SBF2: variants seen among roughly 807,000 people sequenced by gnomAD.
SBF2 encodes the protein myotubularin-related protein 13.
In SBF2, 112 loss-of-function variants were observed where a neutral mutation model predicts 225.2. That is an observed-to-expected ratio of 0.50 (90% confidence interval 0.43 to 0.58). The LOEUF (loss-of-function observed/expected upper bound fraction) is 0.58. Among genes scored for constraint, SBF2 ranks in the 20% least tolerant of loss-of-function variants. The pLI is 0.00. For missense variants in SBF2, 1,996 were observed against 2,206.2 expected (o/e 0.90, Z 1.91); for synonymous variants, 763 against 773.3 (o/e 0.99, Z 0.22).
chr11:10,047,119 T>A (rs1333175450), intron 2 of SBF2, among the ~76,000 whole-genome samples: 2 of 152,020 alleles, frequency 1.3e-5, no homozygotes, highest in African/African-American at 4.8e-5. Flanking sequence ...ATGAAAGAAA[T>A]CAAAGAACTA....
intron 1 of SBF2, among the ~76,000 whole-genome samples, chr11:10,199,023 G>A (rs530193843): frequency 9.2e-4 from 140 of 152,236 alleles, no homozygotes; most frequent in Admixed American, 3.8e-3. Context: ...TGGCTGTTTG[G>A]TACAAGAGGC....
intron 2 of SBF2, among the ~76,000 whole-genome samples, chr11:10,153,447 C>G (rs1456889691): frequency 6.6e-6 from 1 of 151,852 alleles, no homozygotes; most frequent in Non-Finnish European, 1.5e-5. Context: ...AAGAATAATT[C>G]AAAAGAAAAA....
intron 17 of SBF2, among the ~76,000 whole-genome samples, chr11:9,869,239 G>A (rs751613587): frequency 6.6e-6 from 1 of 152,010 alleles, no homozygotes; most frequent in Non-Finnish European, 1.5e-5. Flanking sequence ...AAACATATTC[G>A]ATTCACTATT....
chr11:10,302,913 G>C (rs1400861808), intron 1 of SBF2: 1 of 152,220 alleles, frequency 6.6e-6, no homozygotes, highest in Non-Finnish European at 1.5e-5. Flanking sequence ...AGCTGTCCTT[G>C]ACCTCCCCAG....
At chr11:9,952,477 TA>T (rs1344553434) in intron 16 of SBF2, among the ~76,000 whole-genome samples, 1 of 152,180 alleles carries the variant, frequency 6.6e-6, no homozygotes, top group Non-Finnish European at 1.5e-5. Context: ...TGGGGTTTTG[TA>T]AACTGGGCTG....
At chr11:9,792,740 C>T (rs976891898) in intron 33 of SBF2, among the ~76,000 whole-genome samples, 4 of 143,648 alleles carry the variant, frequency 2.8e-5, no homozygotes, top group Non-Finnish European at 4.7e-5. Context: ...TTCTAGGATT[C>T]GAAATGCATG....
At chr11:9,978,814 G>T (rs572608100) in intron 13 of SBF2, among the ~76,000 whole-genome samples, 2 of 151,936 alleles carry the variant, frequency 1.3e-5, no homozygotes, top group Admixed American at 1.3e-4. Context: ...TGGGCAACAC[G>T]GTGAAACTCC....
At chr11:10,055,528 C>T (rs1286795871) in intron 2 of SBF2, among the ~76,000 whole-genome samples, 1 of 13,402 alleles carries the variant, frequency 7.5e-5, no homozygotes, top group Non-Finnish European at 3.2e-4. Context: ...AAATGATACA[C>T]ACACACACAC....
chr11:10,174,654 C>G (rs1452520126), intron 2 of SBF2, among the ~76,000 whole-genome samples: 1 of 152,098 alleles, frequency 6.6e-6, no homozygotes, highest in Admixed American at 6.5e-5. Context: ...TCAGGAAATA[C>G]AGAGAACGCC....
intron 1 of SBF2, among the ~76,000 whole-genome samples, chr11:10,254,108 G>A (rs1278285195): frequency 6.6e-6 from 1 of 152,182 alleles, no homozygotes. Context: ...AAATACTCAG[G>A]TATGGTGGCT....
At chr11:10,087,005 C>T (rs1261094699) in intron 2 of SBF2, among the ~76,000 whole-genome samples, 1 of 152,154 alleles carries the variant, frequency 6.6e-6, no homozygotes, top group African/African-American at 2.4e-5. Flanking sequence ...GTGAAAATGC[C>T]AAGATGCTAT....
chr11:9,850,258 A>C, intron 21 of SBF2, 40 bp from the exon 22 acceptor site: 1 of 1,582,862 alleles, frequency 6.3e-7, no homozygotes, highest in Non-Finnish European at 8.7e-7. Flanking sequence ...TTGATTGACT[A>C]ATTGATTGAT....
chr11:9,871,090 A>G (rs1169635787), intron 17 of SBF2, among the ~76,000 whole-genome samples: 2 of 152,186 alleles, frequency 1.3e-5, no homozygotes, highest in African/African-American at 4.8e-5. Context: ...GGCATGAGCA[A>G]AGATTTCATA....
chr11:9,925,246 G>C (rs1863938428), intron 16 of SBF2, among the ~76,000 whole-genome samples: 1 of 151,914 alleles, frequency 6.6e-6, no homozygotes, highest in South Asian at 2.1e-4. Context: ...TCTAAAATAT[G>C]ATAGTTCAAC....
intron 1 of SBF2, among the ~76,000 whole-genome samples, chr11:10,251,065 C>T (rs1386998577): frequency 6.6e-6 from 1 of 152,152 alleles, no homozygotes; most frequent in Admixed American, 6.5e-5. Flanking sequence ...GGGTCTATTA[C>T]GTGCACTTAT....
At chr11:10,139,198 T>TTTGGG (rs1343051331) in intron 2 of SBF2, among the ~76,000 whole-genome samples, 6 of 152,188 alleles carry the variant, frequency 3.9e-5, no homozygotes, top group Non-Finnish European at 5.9e-5. Context: ...GGGAAAATGT[T>TTTGGG]AAGATTTTCA....
intron 2 of SBF2, among the ~76,000 whole-genome samples, chr11:10,145,928 C>T (rs1954864165): frequency 1.3e-5 from 2 of 152,098 alleles, no homozygotes; most frequent in African/African-American, 2.4e-5. Flanking sequence ...CATACACCAA[C>T]AACAGCCAAG....
At chr11:10,147,271 A>ATG (rs1422394020) in intron 2 of SBF2, among the ~76,000 whole-genome samples, 1 of 152,170 alleles carries the variant, frequency 6.6e-6, no homozygotes, top group Non-Finnish European at 1.5e-5. Context: ...ATGCACCCAT[A>ATG]TGTTTACTGC....
At chr11:9,894,824 T>C (rs1008667272) in intron 17 of SBF2, among the ~76,000 whole-genome samples, 1 of 151,528 alleles carries the variant, frequency 6.6e-6, no homozygotes, top group African/African-American at 2.4e-5. Flanking sequence ...CTACTAAAAA[T>C]ACAAAAACTC....
Sources: allele counts gnomAD v4.1 joint callset (sites outside exome capture counted in the v4.1 genomes callset), GRCh38; gene constraint gnomAD v4.1.1; transcripts MANE v1.5; gene names NCBI Gene and HGNC (gene_info 2026-07-23, HGNC 2026-07-21).